The following ZBTB10 variants were observed in gnomAD, a reference collection of about 807,000 sequenced individuals.
The protein encoded by ZBTB10 is zinc finger and BTB domain-containing protein 10.
ZBTB10 carries 32 observed loss-of-function variants against 76.4 expected under a neutral mutation model. That is an observed-to-expected ratio of 0.42 (90% CI 0.32 to 0.56). The LOEUF (loss-of-function observed/expected upper bound fraction) is 0.56, where lower values mean the gene tolerates loss of function less well. Ranked by LOEUF, ZBTB10 falls within the 20% of genes least tolerant of loss-of-function variation. The probability of loss-of-function intolerance (pLI) is 0.14; values close to 1 mark genes in which losing one functional copy is unlikely to be tolerated. For synonymous variants in ZBTB10, 523 were observed against 432.9 expected (o/e 1.21, Z -2.58); for missense variants, 1,057 against 1,098.5 (o/e 0.96, Z 0.53).
At chr8:80,503,299 C>T (rs1815970389) in intron 2 of ZBTB10, among the ~76,000 whole-genome samples, 1 of 152,096 alleles carries the variant, frequency 6.6e-6, no homozygotes. Flanking sequence ...TTATTCATAT[C>T]AGTTTTCCGG....
chr8:80,485,919 A>C, upstream of ZBTB10: 3 of 1,525,824 alleles, frequency 2.0e-6, no homozygotes, highest in Non-Finnish European at 2.6e-6. Flanking sequence ...CCAGACCCTG[A>C]CACTCGCCAG....
chr8:80,515,588 T>G (rs1816307788), intron 3 of ZBTB10, among the ~76,000 whole-genome samples: 1 of 152,214 alleles, frequency 6.6e-6, no homozygotes, highest in Non-Finnish European at 1.5e-5. Flanking sequence ...GCTTTCTCAG[T>G]TTTGAAATCT....
At chr8:80,488,900 C>G (rs1815553507) in intron 1 of ZBTB10, among the ~76,000 whole-genome samples, 1 of 152,174 alleles carries the variant, frequency 6.6e-6, no homozygotes. Context: ...ATTAGGCGCA[C>G]CAGTAACCCC....
At chr8:80,502,128 T>C (rs889499530) in intron 2 of ZBTB10, among the ~76,000 whole-genome samples, 1 of 152,250 alleles carries the variant, frequency 6.6e-6, no homozygotes, top group Non-Finnish European at 1.5e-5. Flanking sequence ...CTTTCAAAGA[T>C]GACATTACTA....
At position 80,518,532 on chromosome 8, in the gene ZBTB10, A is replaced by G. The variant is rs1435966489; in HGVS notation, c.2090A>G (p.Tyr697Cys). Residue 697 changes from tyrosine to cysteine, a missense_variant, in exon 4 of 6, where the codon TAT becomes TGT. Physicochemically the swap from Tyr to Cys is radical, Grantham distance 194 (BLOSUM62 -2). This residue lies in a region of ZBTB10 where 306 missense variants were observed against 297.5 expected (regional missense o/e 1.03). Coordinates refer to ENST00000455036, the MANE Select transcript of ZBTB10 (RefSeq NM_001105539.3). The part of the protein sequence containing the change: ...LIPGASNDFK[Y>C]GLLPESWPKQ... ...CCAGGTGCTTCAAATGATTTCAAGT[A>G]TGGATTATTGCCAGAATCTTGGCCA... The G allele has an allele frequency of 2.6e-6, 4 of 1,553,624 alleles. No homozygotes were observed. Among genetic ancestry groups the G allele is most frequent in the African/African-American group, 2.7e-5 (2 of 73,396 alleles).
At chr8:80,494,492 C>T (rs1040699674) in intron 1 of ZBTB10, among the ~76,000 whole-genome samples, 1 of 152,202 alleles carries the variant, frequency 6.6e-6, no homozygotes, top group African/African-American at 2.4e-5. Context: ...TCTCCCTCCA[C>T]CCTTTACATC....
At position 80,486,636 on chromosome 8, in the gene ZBTB10, A is replaced by G. The variant is rs1156427239; in HGVS notation, c.-175A>G. ...CAGCGGCAGCGGACGCGTGCAGCAG[A>G]CCCGGGAGCGAGCGCGAGCCGGGCT... is the stretch of plus-strand genomic sequence containing the variant. On this transcript the variant is annotated 5_prime_UTR_variant, in exon 1 of 6. Coordinates refer to ENST00000455036, the MANE Select transcript of ZBTB10 (RefSeq NM_001105539.3). The G allele has an allele frequency of 2.0e-6, 2 of 983,508 alleles. No individual in the cohort carries two copies. Among genetic ancestry groups the G allele is most frequent in the African/African-American group, 3.6e-5 (2 of 56,150 alleles). The allele number at this position is 983,508 out of a possible 1,614,324, so 60.9% of individuals were successfully genotyped here. A position where few individuals can be genotyped will look rare whatever the true frequency, so the allele number is the denominator to read the frequency against.
chr8:80,517,268 G>T (rs1816346781), intron 3 of ZBTB10, among the ~76,000 whole-genome samples: 3 of 152,162 alleles, frequency 2.0e-5, no homozygotes. Flanking sequence ...CAAGTTTTTG[G>T]TGGCTACTGA....
Position 80,486,858 on chromosome 8 carries a change from C to G in ZBTB10, c.48C>G (p.Gly16=). Residue 16 remains glycine, a synonymous_variant, in exon 1 of 6, where the codon GGC becomes GGG. Transcript: ENST00000455036. ...GCAGGACGCTGGCGTTCCGAGGAGG[C>G]GGGTTGGTCACCGCTAGCGGCGGCG... ...MNRRTLAFRG[G]GLVTASGGGS... 1 of 1,507,956 alleles carries G rather than the reference C, an allele frequency of 6.6e-7. No homozygotes were observed. The highest frequency in any genetic ancestry group is 8.8e-7 in the Non-Finnish European group (1 of 1,130,270). 93.4% of individuals were successfully genotyped at this position (1,507,956 alleles called of 1,614,324 possible).
intron 1 of ZBTB10, among the ~76,000 whole-genome samples, chr8:80,489,853 C>A (rs919884977): frequency 1.3e-5 from 2 of 152,134 alleles, no homozygotes; most frequent in Non-Finnish European, 2.9e-5. Flanking sequence ...ATATTGGTCT[C>A]CTTGATTGGA....
chr8:80,503,673 C>T (rs1474084055), intron 2 of ZBTB10, among the ~76,000 whole-genome samples: 1 of 152,030 alleles, frequency 6.6e-6, no homozygotes, highest in Non-Finnish European at 1.5e-5. Context: ...TGCACCACTG[C>T]ACCCAGCTAA....
chr8:80,487,883 A>G (rs989001183), intron 1 of ZBTB10, 101 bp downstream of exon 1: 13 of 1,324,700 alleles, frequency 9.8e-6, no homozygotes, highest in Middle Eastern at 2.5e-4. Context: ...CCTCAAAACC[A>G]TTTTCCTGGG....
intron 4 of ZBTB10, 60 bp downstream of exon 4, chr8:80,518,639 G>C: frequency 1.3e-6 from 2 of 1,500,154 alleles, no homozygotes; most frequent in Non-Finnish European, 8.9e-7. Context: ...ACAATTAAAA[G>C]CTTTCATGTT....
chr8:80,491,886 A>G (rs1166434233), intron 1 of ZBTB10, among the ~76,000 whole-genome samples: 2 of 152,250 alleles, frequency 1.3e-5, no homozygotes, highest in African/African-American at 2.4e-5. Flanking sequence ...TTATTGTTGT[A>G]AATTTAGTTA....
Position 80,500,349 on chromosome 8 carries a change from G to A in ZBTB10, c.1828G>A (p.Glu610Lys). The change falls in exon 2 of 6, where the codon GAA (glutamate) becomes AAA (lysine). Residue 610 changes from glutamate to lysine, a missense_variant. Glu to Lys is a moderately conservative substitution (Grantham distance 56, BLOSUM62 1). This residue lies in a region of ZBTB10 where 306 missense variants were observed against 297.5 expected (regional missense o/e 1.03). Coordinates refer to ENST00000455036, the MANE Select transcript of ZBTB10 (RefSeq NM_001105539.3). Reference sequence around the variant, plus strand: ...AATGCAGCCACCTGTTGCCTATCCAGAAGAAAATACACTACTCATCAAGGA... The same window carrying A: ...AATGCAGCCACCTGTTGCCTATCCAAAAGAAAATACACTACTCATCAAGGA... ...SVMQPPVAYP[E>K]ENTLLIKEEP... is the part of the protein sequence containing the mutation. The A allele has an allele frequency of 6.3e-7, 1 of 1,582,272 alleles. No homozygotes were observed. The highest frequency in any genetic ancestry group is 8.6e-7 in the Non-Finnish European group (1 of 1,164,462).
chr8:80,506,642 G>A (rs1444838337), intron 2 of ZBTB10, among the ~76,000 whole-genome samples: 1 of 143,338 alleles, frequency 7.0e-6, no homozygotes, highest in Non-Finnish European at 1.5e-5. Context: ...AAATATTCAT[G>A]TTTTATTGTA....
Position 80,524,468 on chromosome 8 carries a change from T to C in ZBTB10, c.*4940T>C, listed in dbSNP as rs371686204. 6.6e-6 allele frequency: 1 copy of C among 152,104 alleles called. No homozygotes were observed. The highest frequency in any genetic ancestry group is 6.6e-5 in the Admixed American group (1 of 15,250). 9.4% of individuals were successfully genotyped at this position (152,104 alleles called of 1,614,324 possible). ...GTTGTATATTTGTGGACTGATTGAC[T>C]ACAAGTGATGTGATGTTATAAATTT... On this transcript the variant is annotated 3_prime_UTR_variant, in exon 6 of 6. Coordinates refer to ENST00000455036, the MANE Select transcript of ZBTB10 (RefSeq NM_001105539.3).
chr8:80,517,871 CTTTTTTTT>C (rs773074047), intron 3 of ZBTB10, among the ~76,000 whole-genome samples: 1 of 76,854 alleles, frequency 1.3e-5, no homozygotes, highest in East Asian at 3.7e-4. Flanking sequence ...CGCCCGCCAC[CTTTTTTTT>C]TTTTTTTTTT....
chr8:80,501,603 A>T (rs1329654508), intron 2 of ZBTB10, among the ~76,000 whole-genome samples: 1 of 152,198 alleles, frequency 6.6e-6, no homozygotes, highest in African/African-American at 2.4e-5. Flanking sequence ...AAAATGCCAT[A>T]GTAATCCTGT....
Sources: gnomAD v4.1 joint callset for allele counts (sites outside exome capture counted in the v4.1 genomes callset) on GRCh38, gnomAD v4.1.1 for gene constraint, gnomAD v4.1.1 regional missense constraint, MANE v1.5 for transcripts, NCBI Gene and HGNC (gene_info 2026-07-23, HGNC 2026-07-21) for gene names.